Variants in COQ8B observed in about 807,000 individuals in gnomAD.
The protein encoded by COQ8B is atypical kinase COQ8B, mitochondrial.
Under a neutral mutation model 62.0 loss-of-function variants are expected in COQ8B, and 44 were observed. The observed-to-expected ratio is 0.71, with a 90% CI of 0.56 to 0.91. The LOEUF (loss-of-function observed/expected upper bound fraction) is 0.91, where lower values mean the gene tolerates loss of function less well. COQ8B is among the 40% of genes least tolerant of loss of function. The pLI, the probability that COQ8B is intolerant of heterozygous loss-of-function variation, is 0.00. For synonymous variants in COQ8B, 252 were observed against 289.9 expected, an observed-to-expected ratio of 0.87 and a Z score of 1.33; for missense variants, 649 against 731.6, an observed-to-expected ratio of 0.89 and a Z score of 1.30.
At position 40,700,302 on chromosome 19, in the gene COQ8B, C is replaced by G. The variant is rs376627440; in HGVS notation, c.1035+8G>C. The G allele has an allele frequency of 6.2e-7, 1 of 1,613,210 alleles. No homozygotes were observed. Among genetic ancestry groups the G allele is most frequent in the Non-Finnish European group, 8.5e-7 (1 of 1,179,394 alleles). On this transcript the variant is annotated splice_region_variant and intron_variant, in intron 11 of 14. Coordinates refer to ENST00000324464, the MANE Select transcript of COQ8B (RefSeq NM_024876.4). The stretch of plus-strand genomic sequence containing the variant: ...ATGCCCTTCCCACTGTGCCACCAGA[C>G]AGCATACCTGGTTCCGCAGGTCCTG...
chr19:40,692,975 T>C lies in COQ8B; in HGVS notation c.1272A>G (p.Lys424=), dbSNP rs773483651. The change falls in exon 14 of 15, where the codon AAA becomes AAG. Residue 424 remains lysine, a synonymous_variant. Coordinates refer to ENST00000324464, the MANE Select transcript of COQ8B (RefSeq NM_024876.4). ...CCTTGGTTTCAAAGCCTGTGAGGAATTTGAGGTCCCTGGACTTCTGCAGGA... is the reference window on the plus strand; with the variant it reads ...CCTTGGTTTCAAAGCCTGTGAGGAACTTGAGGTCCCTGGACTTCTGCAGGA... The part of the protein sequence containing the change: ...DCVLQKSRDL[K]FLTGFETKAF... The C allele has an allele frequency of 6.2e-7, 1 of 1,613,666 alleles. No homozygotes were observed. Among genetic ancestry groups the C allele is most frequent in the African/African-American group, 1.3e-5 (1 of 74,876 alleles).
chr19:40,691,866 T>A lies in COQ8B; in HGVS notation c.*169A>T. On this transcript the variant is annotated 3_prime_UTR_variant, in exon 15 of 15. Transcript: ENST00000324464. ...AGGTGCAGGATCTAGGGCACGAAGT[T>A]GGGAGTTCCCCAGCCCCAGGGATCC... 1.8e-6 allele frequency: 1 copy of A among 554,356 alleles called. No individual in the cohort carries two copies. The highest frequency in any genetic ancestry group is 1.9e-5 in the African/African-American group (1 of 52,774). The allele number at this position is 554,356 out of a possible 1,614,324, so 34.3% of individuals were successfully genotyped here.
At chr19:40,705,300 TC>T (rs753361236) in intron 6 of COQ8B, 24 bp downstream of exon 6, 83 of 1,584,534 alleles carry the variant, frequency 5.2e-5, no homozygotes, top group Non-Finnish European at 6.7e-5. Context: ...AGGTCAGGGG[TC>T]AGGAGTCGAG....
intron 5 of COQ8B, among the ~76,000 whole-genome samples, chr19:40,707,653 C>T (rs1387631400): frequency 1.3e-5 from 2 of 152,136 alleles, no homozygotes; most frequent in African/African-American, 2.4e-5. Flanking sequence ...CAGGATTTCG[C>T]CATATTGGAC....
At chr19:40,705,209 A>C in intron 6 of COQ8B, 28 bp from the exon 7 acceptor site, 1 of 1,611,652 alleles carries the variant, frequency 6.2e-7, no homozygotes, top group Non-Finnish European at 8.5e-7. Context: ...CCAGGGGGGA[A>C]GTAAGCGAAG....
chr19:40,716,095 C>T (rs1315363655), intron 1 of COQ8B: 1 of 152,280 alleles, frequency 6.6e-6, no homozygotes, highest in African/African-American at 2.4e-5. Flanking sequence ...GCCCTCATCC[C>T]TCTCTGGACT....
chr19:40,696,061 G>A lies in COQ8B; in HGVS notation c.1144-7C>T. Reference sequence around the variant, plus strand: ...CAAAGTCCAGCAGGGTCACCTGGAAGCAAGGAATGGTGAAAGGAATGCTGG... The same window carrying A: ...CAAAGTCCAGCAGGGTCACCTGGAAACAAGGAATGGTGAAAGGAATGCTGG... On this transcript the variant is annotated splice_polypyrimidine_tract_variant and splice_region_variant and intron_variant, in intron 12 of 14. Coordinates refer to ENST00000324464, the MANE Select transcript of COQ8B (RefSeq NM_024876.4). The A allele has an allele frequency of 6.2e-7, 1 of 1,613,808 alleles. No homozygotes were observed. Among genetic ancestry groups the A allele is most frequent in the Non-Finnish European group, 8.5e-7 (1 of 1,179,862 alleles).
At chr19:40,714,826 CA>C in intron 1 of COQ8B, 191 bp from the exon 2 acceptor site, 1 of 1,354,772 alleles carries the variant, frequency 7.4e-7, no homozygotes. Context: ...GCAGGCCTCC[CA>C]AAACCCACTT....
chr19:40,714,937 T>A (rs2082173559), intron 1 of COQ8B: 2 of 1,128,564 alleles, frequency 1.8e-6, no homozygotes, highest in Non-Finnish European at 2.2e-6. Context: ...GAAACCCCCC[T>A]CGTTGCTATG....
Position 40,705,421 on chromosome 19 carries a change from G to A in COQ8B, c.394C>T (p.Pro132Ser). 2 of 1,587,700 alleles carry A rather than the reference G, an allele frequency of 1.3e-6. No homozygotes were observed. The highest frequency in any genetic ancestry group is 1.7e-6 in the Non-Finnish European group (2 of 1,160,802). ...SEGGSGLDSS[P>S]FLSEANAERI... Reference sequence around the variant, plus strand: ...TCGGCATTGGCCTCCGACAGGAAGGGGCTGGAGTCCAGCCCAGAACCACCC... The same window carrying A: ...TCGGCATTGGCCTCCGACAGGAAGGAGCTGGAGTCCAGCCCAGAACCACCC... The change falls in exon 6 of 15, where the codon CCC (proline) becomes TCC (serine). Residue 132 changes from proline to serine, a missense_variant. Pro to Ser is a moderately conservative substitution (Grantham distance 74, BLOSUM62 -1). Transcript: ENST00000324464.
Position 40,714,459 on chromosome 19 carries a change from C to A in COQ8B, c.103-62G>T, listed in dbSNP as rs142582752. 2.5e-6 allele frequency: 4 copies of A among 1,613,172 alleles called. No individual in the cohort carries two copies. The Admixed American group carries it at 6.7e-5, about 27-fold the overall frequency. Reference sequence around the variant, plus strand: ...TGGGATCACCTGGCCCTTCTGGACCCCTCCTGTCCTTTTACCCTCTGAAGT... The same window carrying A: ...TGGGATCACCTGGCCCTTCTGGACCACTCCTGTCCTTTTACCCTCTGAAGT... On this transcript the variant is annotated intron_variant, in intron 2 of 14. Transcript: ENST00000324464.
At chr19:40,695,873 C>T in intron 13 of COQ8B, 116 bp downstream of exon 13, 2 of 1,076,108 alleles carry the variant, frequency 1.9e-6, no homozygotes, top group Non-Finnish European at 2.9e-6. Flanking sequence ...ACGAGTATTA[C>T]TATTATTTAT....
intron 4 of COQ8B, among the ~76,000 whole-genome samples, chr19:40,713,641 AG>A (rs779899472): frequency 1.2e-4 from 18 of 147,170 alleles, no homozygotes; most frequent in Non-Finnish European, 2.4e-4. Flanking sequence ...GCTTGAATGT[AG>A]GAGGCAGAGG....
chr19:40,693,213 ACT>A (rs1351927148), intron 13 of COQ8B, among the ~76,000 whole-genome samples, 176 bp from the exon 14 acceptor site: 1 of 151,186 alleles, frequency 6.6e-6, no homozygotes, highest in African/African-American at 2.4e-5. Context: ...TCCCTTAAAG[ACT>A]CTTCCAGAGC....
At chr19:40,693,914 AG>A (rs564212334) in intron 13 of COQ8B, among the ~76,000 whole-genome samples, 143 of 152,046 alleles carry the variant, frequency 9.4e-4, no homozygotes, top group African/African-American at 3.3e-3. Flanking sequence ...TTTTGTGAGG[AG>A]GGGGATTCGG....
Position 40,710,041 on chromosome 19 carries a change from G to A in COQ8B, c.367+18C>T, listed in dbSNP as rs775445795. 1 of 1,613,186 alleles carries A rather than the reference G, an allele frequency of 6.2e-7. No individual in the cohort carries two copies. The highest frequency in any genetic ancestry group is 1.7e-5 in the Admixed American group (1 of 59,970). ...CAGCAAAGCCAGGATCTGAACCCAGGCAGTGTGGCTCACTCACCTGACTGC... is the reference window on the plus strand; with the variant it reads ...CAGCAAAGCCAGGATCTGAACCCAGACAGTGTGGCTCACTCACCTGACTGC... On this transcript the variant is annotated intron_variant, in intron 5 of 14. Transcript: ENST00000324464.
In COQ8B at chr19:40,700,406, A is replaced by G; in HGVS notation, c.939T>C (p.Val313=). The change falls in exon 11 of 15, where the codon GTT becomes GTC. Residue 313 remains valine, a synonymous_variant. Coordinates refer to ENST00000324464, the MANE Select transcript of COQ8B (RefSeq NM_024876.4). The part of the protein sequence containing the change: ...NDPFFRVPAV[V]KELCTTRVLG... ...GCACCCGTGTCGTGCACAGCTCCTTAACCACGGCTGGGACCCGGAAGAAGG... is the reference window on the plus strand; with the variant it reads ...GCACCCGTGTCGTGCACAGCTCCTTGACCACGGCTGGGACCCGGAAGAAGG... The G allele has an allele frequency of 6.2e-7, 1 of 1,614,102 alleles. No individual in the cohort carries two copies. The highest frequency in any genetic ancestry group is 1.1e-5 in the South Asian group (1 of 91,076).
chr19:40,710,523 T>A (rs529511926), intron 4 of COQ8B, among the ~76,000 whole-genome samples: 15 of 152,320 alleles, frequency 9.8e-5, no homozygotes, highest in African/African-American at 3.4e-4. Context: ...GTGCTGGGAT[T>A]ATAGGCATGA....
In COQ8B at chr19:40,692,329, C is replaced by G; in HGVS notation, c.1341G>C (p.Glu447Asp). ...CATAAGGGCCCTGGGTGGCGAAAGG[C>G]TCCCCCAGGATCATCACTGCCTCCA... ...AHVEAVMILG[E>D]PFATQGPYDF... is the part of the protein sequence containing the mutation. The change falls in exon 15 of 15, where the codon GAG becomes GAC. Residue 447 changes from glutamate to aspartate, a missense_variant. By Grantham distance (45) the Glu-to-Asp change is conservative. Transcript: ENST00000324464. The G allele has an allele frequency of 6.2e-7, 1 of 1,613,734 alleles. No individual in the cohort carries two copies. The highest frequency in any genetic ancestry group is 2.2e-5 in the East Asian group (1 of 44,878).
Sources: allele counts gnomAD v4.1 joint callset (sites outside exome capture counted in the v4.1 genomes callset), GRCh38; gene constraint gnomAD v4.1.1; transcripts MANE v1.5; gene names NCBI Gene and HGNC (gene_info 2026-07-23, HGNC 2026-07-21).